GRM7: variants seen among roughly 807,000 people sequenced by gnomAD.
GRM7 encodes the protein metabotropic glutamate receptor 7.
GRM7 carries 35 observed loss-of-function variants against 84.5 expected under a neutral mutation model. That is an observed-to-expected ratio of 0.41 (90% confidence interval 0.32 to 0.55). The LOEUF (loss-of-function observed/expected upper bound fraction) is 0.55, where lower values mean the gene tolerates loss of function less well. GRM7 is among the 20% of genes least tolerant of loss of function. The pLI is 0.19. For synonymous variants in GRM7, 487 were observed against 455.1 expected, an observed-to-expected ratio of 1.07 and a Z score of -0.89; for missense variants, 1,003 against 1,194.6, an observed-to-expected ratio of 0.84 and a Z score of 2.36.
At position 7,459,101 on chromosome 3, in the gene GRM7, G is replaced by T. The variant is rs139903808; in HGVS notation, c.1376-2482G>T. Reference sequence around the variant, plus strand: ...AGATCCCTATTATGATAAAGTGGGTGCCTTTGTGGTCTATGGGGGTAGTGT... The same window carrying T: ...AGATCCCTATTATGATAAAGTGGGTTCCTTTGTGGTCTATGGGGGTAGTGT... On this transcript the variant is annotated intron_variant, in intron 6 of 9. Transcript: ENST00000357716. 1.1e-3 allele frequency among the ~76,000 whole-genome samples: 169 copies of T among 152,228 alleles called. 1 individual carries two copies. Among genetic ancestry groups the T allele is most frequent in the African/African-American group, 3.7e-3 (154 of 41,560 alleles).
Position 6,982,284 on chromosome 3 carries a change from G to A in GRM7, c.519+120377G>A, listed in dbSNP as rs554378478. ...TATAAAGATGGCAACAGTAGACACT[G>A]AGGACTACAAGAGGGAGAAGGGTAG... On this transcript the variant is annotated intron_variant, in intron 1 of 9. Transcript: ENST00000357716. Among the ~76,000 whole-genome samples the A allele has an allele frequency of 3.9e-5, 6 of 152,256 alleles. No individual in the cohort carries two copies. In the South Asian group the frequency reaches 1.2e-3, roughly 32 times the overall value.
chr3:7,100,599 G>T (rs1417823328), intron 1 of GRM7, among the ~76,000 whole-genome samples: 2 of 151,766 alleles, frequency 1.3e-5, no homozygotes, highest in Non-Finnish European at 2.9e-5. Flanking sequence ...TAAAATTTCA[G>T]TTCTGTCATT....
At chr3:7,078,199 C>G (rs1698158951) in intron 1 of GRM7, among the ~76,000 whole-genome samples, 1 of 152,192 alleles carries the variant, frequency 6.6e-6, no homozygotes, top group African/African-American at 2.4e-5. Context: ...GGTATACAAA[C>G]TCTCCTAGGC....
intron 2 of GRM7, among the ~76,000 whole-genome samples, chr3:7,275,686 T>C (rs1699026097): frequency 6.6e-6 from 1 of 152,166 alleles, no homozygotes; most frequent in Admixed American, 6.6e-5. Context: ...GCTAGTTTCT[T>C]CTGAGAATAG....
intron 2 of GRM7, among the ~76,000 whole-genome samples, chr3:7,295,595 T>C (rs950001848): frequency 2.6e-5 from 4 of 152,230 alleles, no homozygotes; most frequent in African/African-American, 4.8e-5. Context: ...AAGAATTTAC[T>C]TACACGTTTA....
intron 6 of GRM7, among the ~76,000 whole-genome samples, chr3:7,455,935 G>A (rs115173139): frequency 0.042 from 6,342 of 152,094 alleles, 175 homozygotes; most frequent in South Asian, 0.069. Flanking sequence ...TTCAGGAGTT[G>A]CCTAGTATCT....
chr3:7,416,797 C>T (rs887683550), intron 5 of GRM7, among the ~76,000 whole-genome samples: 1 of 151,956 alleles, frequency 6.6e-6, no homozygotes, highest in Non-Finnish European at 1.5e-5. Context: ...ATTGACTAGA[C>T]CTAGGCGACA....
chr3:7,607,291 A>C (rs1388956531), intron 8 of GRM7: 1 of 144,120 alleles, frequency 6.9e-6, no homozygotes, highest in Admixed American at 6.7e-5. Context: ...TTTCAGTTTC[A>C]ATAAGCATTG....
intron 2 of GRM7, among the ~76,000 whole-genome samples, chr3:7,223,607 G>A (rs959304614): frequency 6.6e-6 from 1 of 151,486 alleles, no homozygotes; most frequent in African/African-American, 2.4e-5. Flanking sequence ...TTTATTTTGG[G>A]TATTTCCTAT....
chr3:7,567,876 G>A (rs1446361898), intron 7 of GRM7, among the ~76,000 whole-genome samples: 1 of 149,660 alleles, frequency 6.7e-6, no homozygotes, highest in East Asian at 2.1e-4. Flanking sequence ...GGCATTCTTG[G>A]AACTTCCGCA....
chr3:7,359,333 C>CTTTTTTT (rs372075812), intron 4 of GRM7, among the ~76,000 whole-genome samples: 1 of 98,526 alleles, frequency 1.0e-5, no homozygotes, highest in African/African-American at 4.5e-5. Flanking sequence ...CCCTCCTCCT[C>CTTTTTTT]TTTTTTTTTT....
chr3:7,381,886 G>A (rs1445190847), intron 4 of GRM7, among the ~76,000 whole-genome samples: 1 of 152,162 alleles, frequency 6.6e-6, no homozygotes, highest in Non-Finnish European at 1.5e-5. Context: ...CTCAGGGTAA[G>A]TGGCCTTCAT....
intron 1 of GRM7, among the ~76,000 whole-genome samples, chr3:6,971,871 T>G (rs577561867): frequency 6.6e-6 from 1 of 152,174 alleles, no homozygotes; most frequent in Non-Finnish European, 1.5e-5. Context: ...GTTGTTTTAT[T>G]AAAACTAAAA....
At chr3:7,342,946 C>A (rs930232529) in intron 4 of GRM7, among the ~76,000 whole-genome samples, 2 of 152,102 alleles carry the variant, frequency 1.3e-5, no homozygotes, top group African/African-American at 4.8e-5. Context: ...TTAGGAGATC[C>A]TTGTGAGGAC....
intron 9 of GRM7, among the ~76,000 whole-genome samples, chr3:7,709,498 C>T (rs1701507049): frequency 1.3e-5 from 2 of 151,990 alleles, no homozygotes; most frequent in South Asian, 4.1e-4. Flanking sequence ...TGGAGACAGA[C>T]AATCAGGCTG....
At position 7,306,514 on chromosome 3, in the gene GRM7, G is replaced by A. The variant is rs753800759; in HGVS notation, c.895G>A (p.Ala299Thr). 30 of 1,613,702 alleles carry A rather than the reference G, an allele frequency of 1.9e-5. No homozygotes were observed. Among genetic ancestry groups the A allele is most frequent in the Admixed American group, 3.3e-5 (2 of 59,976 alleles). Residue 299 changes from alanine to threonine, a missense_variant, in exon 4 of 10, where the codon GCC becomes ACC. Ala to Thr is a moderately conservative substitution (Grantham distance 58, BLOSUM62 0). Around this residue, in one of 2 missense-constraint regions of GRM7, gnomAD observed 910 missense variants for 1,126.0 expected, o/e 0.81. Transcript: ENST00000357716. The part of the protein sequence containing the change: ...DEDIKQILAA[A>T]KRADQVGHFL... ...TTTCCACAGGCAGATCCTTGCAGCA[G>A]CCAAAAGAGCTGACCAAGTTGGCCA... is the stretch of plus-strand genomic sequence containing the variant.
intron 2 of GRM7, among the ~76,000 whole-genome samples, chr3:7,255,718 T>C (rs1046841778): frequency 1.2e-4 from 19 of 152,340 alleles, no homozygotes; most frequent in Admixed American, 4.6e-4. Context: ...TTTCTGCTTT[T>C]GAAGACAATG....
chr3:7,614,776 A>G (rs1018869740), intron 8 of GRM7, among the ~76,000 whole-genome samples: 1 of 152,194 alleles, frequency 6.6e-6, no homozygotes, highest in Non-Finnish European at 1.5e-5. Flanking sequence ...ATTTTCTGAT[A>G]ATGCTAGTAT....
chr3:7,061,306 G>A (rs2124969838), intron 1 of GRM7, among the ~76,000 whole-genome samples: 1 of 151,878 alleles, frequency 6.6e-6, no homozygotes, highest in South Asian at 2.1e-4. Context: ...GTAATAGCCA[G>A]CATATTTTTT....
Sources: gnomAD v4.1 joint callset for allele counts (sites outside exome capture counted in the v4.1 genomes callset) on GRCh38, gnomAD v4.1.1 for gene constraint, gnomAD v4.1.1 regional missense constraint, MANE v1.5 for transcripts, NCBI Gene and HGNC (gene_info 2026-07-23, HGNC 2026-07-21) for gene names.